Variants in CDH13 observed in about 807,000 individuals in gnomAD.
The protein encoded by CDH13 is cadherin 13, also known as cadherin-13.
CDH13 carries 24 observed loss-of-function variants against 63.8 expected under a neutral mutation model. The ratio of observed to expected loss-of-function variants is 0.38; its 90% CI spans 0.27 to 0.53. The LOEUF is 0.53. CDH13 is among the 20% of genes least tolerant of loss of function. CDH13 has a pLI of 0.85. For missense variants in CDH13, 1,049 were observed against 903.1 expected (o/e 1.16, Z -2.07); for synonymous variants, 503 against 355.3 (o/e 1.42, Z -4.67).
At chr16:83,785,972 A>G (rs16961761) in intron 13 of CDH13, among the ~76,000 whole-genome samples, 19,928 of 152,086 alleles carry the variant, frequency 0.13, 2,303 homozygotes, top group African/African-American at 0.31. Flanking sequence ...TCACAACTCA[A>G]TAGGAAACAG....
intron 5 of CDH13, among the ~76,000 whole-genome samples, chr16:83,253,967 C>T (rs1350830292): frequency 6.6e-6 from 1 of 152,160 alleles, no homozygotes; most frequent in Non-Finnish European, 1.5e-5. Flanking sequence ...TAACCGTCTG[C>T]CCAGAGTCAA....
intron 8 of CDH13, among the ~76,000 whole-genome samples, chr16:83,630,037 C>G (rs914366238): frequency 2.0e-5 from 3 of 152,222 alleles, no homozygotes; most frequent in African/African-American, 4.8e-5. Context: ...TGACAGCAGG[C>G]TGGCAGACAG....
At chr16:83,102,977 G>A (rs2034572326) in intron 3 of CDH13, among the ~76,000 whole-genome samples, 1 of 86,712 alleles carries the variant, frequency 1.2e-5, no homozygotes, top group African/African-American at 6.4e-5. Context: ...TTTTGAGGTG[G>A]AGTCCTGCTC....
At chr16:82,633,275 G>A (rs1277114542) in intron 1 of CDH13, among the ~76,000 whole-genome samples, 3 of 152,206 alleles carry the variant, frequency 2.0e-5, no homozygotes, top group Admixed American at 6.5e-5. Context: ...TAACCAGAAC[G>A]TCACAATAAC....
chr16:83,300,013 C>G (rs543418595), intron 5 of CDH13, among the ~76,000 whole-genome samples: 3 of 152,282 alleles, frequency 2.0e-5, no homozygotes, highest in African/African-American at 7.2e-5. Context: ...AAATGAGAGC[C>G]TCAGTTTCGT....
At chr16:83,499,519 G>T (rs1263879799) in intron 7 of CDH13, among the ~76,000 whole-genome samples, 2 of 152,180 alleles carry the variant, frequency 1.3e-5, no homozygotes, top group African/African-American at 4.8e-5. Context: ...ATTATGATTT[G>T]CATGTCATAA....
At chr16:83,382,316 G>A (rs1460615478) in intron 6 of CDH13, among the ~76,000 whole-genome samples, 2 of 152,110 alleles carry the variant, frequency 1.3e-5, no homozygotes, top group African/African-American at 2.4e-5. Context: ...TTAATTGGTT[G>A]TGCAAATAAA....
chr16:83,045,049 T>C (rs542655829), intron 3 of CDH13, among the ~76,000 whole-genome samples: 72 of 152,206 alleles, frequency 4.7e-4, no homozygotes, highest in Non-Finnish European at 9.7e-4. Context: ...TTACAATTCC[T>C]CTCTTATCTG....
intron 10 of CDH13, among the ~76,000 whole-genome samples, chr16:83,723,223 G>T (rs1435746834): frequency 6.6e-6 from 1 of 152,196 alleles, no homozygotes; most frequent in Non-Finnish European, 1.5e-5. Flanking sequence ...GCTACCTCAT[G>T]CCAAGGACCA....
At chr16:83,718,131 A>G (rs897125284) in intron 10 of CDH13, among the ~76,000 whole-genome samples, 2 of 152,196 alleles carry the variant, frequency 1.3e-5, no homozygotes, top group African/African-American at 4.8e-5. Flanking sequence ...AATCCCATAA[A>G]ATACCAGCGG....
intron 10 of CDH13, among the ~76,000 whole-genome samples, chr16:83,714,794 C>G (rs1304779777): frequency 2.0e-5 from 3 of 152,040 alleles, no homozygotes; most frequent in African/African-American, 7.2e-5. Flanking sequence ...CCTTCTTAAT[C>G]TGCTTGAAGG....
chr16:82,973,544 C>G (rs1395042164), intron 2 of CDH13, among the ~76,000 whole-genome samples: 2 of 152,178 alleles, frequency 1.3e-5, no homozygotes, highest in Non-Finnish European at 2.9e-5. Flanking sequence ...GTAGTCCCTA[C>G]TTTCAAGGCG....
intron 1 of CDH13, among the ~76,000 whole-genome samples, chr16:82,711,736 A>G (rs980456428): frequency 1.3e-5 from 2 of 152,162 alleles, no homozygotes; most frequent in Non-Finnish European, 2.9e-5. Context: ...GAAACACTGG[A>G]ACACATTCTA....
intron 13 of CDH13, among the ~76,000 whole-genome samples, chr16:83,794,497 G>A (rs951886700): frequency 2.0e-5 from 3 of 152,196 alleles, no homozygotes; most frequent in Non-Finnish European, 2.9e-5. Flanking sequence ...GGGTTGCAGT[G>A]AGCCAAGATT....
chr16:82,691,546 C>T (rs1041937357), intron 1 of CDH13, among the ~76,000 whole-genome samples: 3 of 152,138 alleles, frequency 2.0e-5, no homozygotes, highest in African/African-American at 7.2e-5. Flanking sequence ...TTCTCTGTCT[C>T]ACTTACTACT....
intron 7 of CDH13, among the ~76,000 whole-genome samples, chr16:83,544,514 A>G (rs2075349017): frequency 6.6e-6 from 1 of 152,180 alleles, no homozygotes; most frequent in African/African-American, 2.4e-5. Context: ...CCAGTACAGT[A>G]TTCAATAAAT....
At chr16:83,527,029 G>A (rs138162041) in intron 7 of CDH13, among the ~76,000 whole-genome samples, 1,617 of 152,184 alleles carry the variant, frequency 0.011, 12 homozygotes, top group Middle Eastern at 0.02. Flanking sequence ...CTATTTAGGA[G>A]GCTGAGGCAG....
chr16:83,285,565 A>G (rs1231370297), intron 5 of CDH13, among the ~76,000 whole-genome samples: 1 of 152,262 alleles, frequency 6.6e-6, no homozygotes. Context: ...TGTAATAACT[A>G]TTTACATAGC....
chr16:83,168,771 T>C (rs1179581790), intron 4 of CDH13, among the ~76,000 whole-genome samples: 1 of 152,176 alleles, frequency 6.6e-6, no homozygotes, highest in African/African-American at 2.4e-5. Flanking sequence ...TTAAACTATA[T>C]GTTCAAATTG....
Sources: gnomAD v4.1 joint callset for allele counts (sites outside exome capture counted in the v4.1 genomes callset) on GRCh38, gnomAD v4.1.1 for gene constraint, MANE v1.5 for transcripts, NCBI Gene and HGNC (gene_info 2026-07-23, HGNC 2026-07-21) for gene names.